KRT8: variants seen among roughly 807,000 people sequenced by gnomAD.
KRT8 encodes keratin 8.
A neutral mutation model predicts 43.0 loss-of-function variants in KRT8; 24 were observed. That is an observed-to-expected ratio of 0.56 (90% CI 0.40 to 0.78). KRT8 has a LOEUF of 0.78. KRT8 is among the 30% of genes least tolerant of loss of function. KRT8 has a pLI of 0.00. For synonymous variants in KRT8, 214 were observed against 261.2 expected (o/e 0.82, Z 1.74); for missense variants, 492 against 638.4 (o/e 0.77, Z 2.47).
chr12:52,904,985 A>G lies in KRT8; in HGVS notation c.-4T>C, dbSNP rs1065306. The G allele has an allele frequency of 0.38, 609,885 of 1,594,634 alleles. 118,606 individuals carry two copies. The highest frequency in any genetic ancestry group is 0.41 in the Non-Finnish European group (475,474 of 1,171,642). The stretch of plus-strand genomic sequence containing the variant: ...TCTGGGTCACCCTGATGGACATGGT[A>G]GAGGCAGGAGTGGAGGCAGGCGGGC... On this transcript the variant is annotated 5_prime_UTR_variant, in exon 1 of 8. Transcript: ENST00000692008.
At chr12:52,935,360 CAG>C (rs1942150973) in intron 2 of KRT8, among the ~76,000 whole-genome samples, 1 of 106,006 alleles carries the variant, frequency 9.4e-6, no homozygotes. Flanking sequence ...GCCTGGGTGA[CAG>C]AGCAAGACTC....
exon 8 of KRT8, chr12:52,897,456 G>T: frequency 6.3e-7 from 1 of 1,599,562 alleles, no homozygotes; most frequent in Non-Finnish European, 8.5e-7. Flanking sequence ...AGAGGACTCA[G>T]ACACCAGCTT....
intron 2 of KRT8, among the ~76,000 whole-genome samples, chr12:52,940,700 A>G (rs978577734): frequency 6.9e-6 from 1 of 145,800 alleles, no homozygotes; most frequent in African/African-American, 2.6e-5. Context: ...ATCTCAGCTC[A>G]CTGCAACCTC....
chr12:52,912,338 C>T (rs1359685754), intron 2 of KRT8, among the ~76,000 whole-genome samples: 1 of 152,232 alleles, frequency 6.6e-6, no homozygotes, highest in Non-Finnish European at 1.5e-5. Context: ...TTTTGCAACC[C>T]ACTCCTCCCA....
At chr12:52,897,496 C>A in exon 8 of KRT8, 1 of 1,599,198 alleles carries the variant, frequency 6.3e-7, no homozygotes, top group Non-Finnish European at 8.5e-7. Flanking sequence ...TTCTTCACAA[C>A]CACGGCCCTG....
In KRT8 at chr12:52,939,876, A is replaced by C. The variant is rs540160814; in HGVS notation, c.-47+9580T>G. ...CAAGGTGGGAGGATCACTTGGGGTC[A>C]GGAGCTCAGGCCAGGAATTTAAGAC... On this transcript the variant is annotated intron_variant, in intron 2 of 6. Coordinates refer to the KRT8 transcript ENST00000546826. 3.3e-5 allele frequency among the ~76,000 whole-genome samples: 5 copies of C among 151,744 alleles called. No individual in the cohort carries two copies. The East Asian group carries it at 9.8e-4, about 30-fold the overall frequency.
intron 2 of KRT8, among the ~76,000 whole-genome samples, chr12:52,928,397 C>T (rs1159315683): frequency 6.6e-6 from 1 of 152,186 alleles, no homozygotes; most frequent in Non-Finnish European, 1.5e-5. Flanking sequence ...TCCATTCCCA[C>T]CCTTACCTCC....
At chr12:52,915,170 G>A (rs1041208022) in intron 2 of KRT8, among the ~76,000 whole-genome samples, 5 of 151,982 alleles carry the variant, frequency 3.3e-5, no homozygotes, top group Admixed American at 1.3e-4. Context: ...TCAGGAGATC[G>A]AGACCATCCT....
intron 2 of KRT8, among the ~76,000 whole-genome samples, chr12:52,919,107 T>C (rs957765420): frequency 1.3e-5 from 2 of 151,994 alleles, no homozygotes; most frequent in African/African-American, 4.8e-5. Context: ...AGCTTGCAAA[T>C]CCAATTCCTA....
At chr12:52,899,800 G>A (rs11554486) in exon 5 of KRT8, 4 of 1,611,690 alleles carry the variant, frequency 2.5e-6, no homozygotes, top group Admixed American at 3.3e-5. Flanking sequence ...CTCAATCTCA[G>A]CCTGGAGCCG....
chr12:52,921,705 G>A (rs566932864), intron 2 of KRT8, among the ~76,000 whole-genome samples: 1 of 152,136 alleles, frequency 6.6e-6, no homozygotes, highest in Non-Finnish European at 1.5e-5. Flanking sequence ...GCCTCTGATT[G>A]TGCATCCCCA....
intron 3 of KRT8, 109 bp from the exon 4 acceptor site, chr12:52,900,792 A>G: frequency 5.2e-6 from 4 of 761,906 alleles, no homozygotes; most frequent in South Asian, 4.3e-5. Context: ...CTAGTTGCCC[A>G]CTTTGTGGAT....
chr12:52,905,048 G>C, exon 1 of KRT8: 7 of 1,547,128 alleles, frequency 4.5e-6, no homozygotes, highest in Non-Finnish European at 5.2e-6. Flanking sequence ...CGGAGAAGCT[G>C]CTTCTTGGTG....
chr12:52,937,079 A>G (rs1942179602), intron 2 of KRT8, among the ~76,000 whole-genome samples: 1 of 152,182 alleles, frequency 6.6e-6, no homozygotes, highest in Non-Finnish European at 1.5e-5. Context: ...TTCATCAAAA[A>G]AGAGATACAG....
intron 2 of KRT8, among the ~76,000 whole-genome samples, chr12:52,915,816 G>A (rs182566240): frequency 1.3e-5 from 2 of 152,270 alleles, no homozygotes; most frequent in Admixed American, 6.5e-5. Flanking sequence ...CAATAAAGAC[G>A]TGGAACCAGA....
chr12:52,918,246 A>AGAAGAAGAAGAAGAG (rs1941815333), intron 2 of KRT8, among the ~76,000 whole-genome samples: 1 of 151,924 alleles, frequency 6.6e-6, no homozygotes, highest in Admixed American at 6.6e-5. Flanking sequence ...AAGAAGAAGA[A>AGAAGAAGAAGAAGAG]GAAGAAGAAG....
In KRT8 at chr12:52,898,808, G is replaced by A. The variant is rs771550250; in HGVS notation, c.1073C>T (p.Ala358Val). 32 of 1,614,084 alleles carry A rather than the reference G, an allele frequency of 2.0e-5. 2 individuals are homozygous for A. The Middle Eastern group carries it at 6.6e-4, about 33-fold the overall frequency. ...GTCCTGCTTGGCCCGCTGCAGGGCG[G>A]CCTCCAGCTCGGACAACTTGGCGTT... Residue 358 changes from alanine (A) to valine (V), a missense_variant, in exon 6 of 8, where the codon GCC (alanine) becomes GTC (valine). Coordinates refer to ENST00000692008, the Ensembl canonical transcript of KRT8.
At chr12:52,923,154 T>C (rs957414365) in intron 2 of KRT8, among the ~76,000 whole-genome samples, 2 of 152,216 alleles carry the variant, frequency 1.3e-5, no homozygotes, top group African/African-American at 4.8e-5. Flanking sequence ...GATGTGTGAT[T>C]AAAATCAAAG....
intron 2 of KRT8, among the ~76,000 whole-genome samples, chr12:52,935,821 T>A (rs975945323): frequency 6.6e-6 from 1 of 152,090 alleles, no homozygotes; most frequent in African/African-American, 2.4e-5. Flanking sequence ...AATGGAATTT[T>A]ATCAAAATTA....
Sources: gnomAD v4.1 joint callset for allele counts (sites outside exome capture counted in the v4.1 genomes callset) on GRCh38, gnomAD v4.1.1 for gene constraint, MANE v1.5 for transcripts, NCBI Gene and HGNC (gene_info 2026-07-23, HGNC 2026-07-21) for gene names.